NRG2: variants seen among roughly 807,000 people sequenced by gnomAD.
The protein encoded by NRG2 is pro-neuregulin-2, membrane-bound isoform.
In NRG2, 27 loss-of-function variants were observed where a neutral mutation model predicts 73.9. That is an observed-to-expected ratio of 0.37 (90% CI 0.27 to 0.50). The LOEUF is 0.50. Among genes scored for constraint, NRG2 ranks in the 20% least tolerant of loss-of-function variants. NRG2 has a pLI of 0.96. For synonymous variants in NRG2, 532 were observed against 541.0 expected (o/e 0.98, Z 0.23); for missense variants, 1,126 against 1,210.1 (o/e 0.93, Z 1.03).
At chr5:139,885,966 C>T (rs750618536) in intron 2 of NRG2, among the ~76,000 whole-genome samples, 6 of 151,992 alleles carry the variant, frequency 3.9e-5, no homozygotes, top group Non-Finnish European at 7.4e-5. Context: ...TTGGAAGCAG[C>T]CTTGGTAGGG....
At chr5:139,939,844 T>A (rs762883699) in intron 1 of NRG2, among the ~76,000 whole-genome samples, 1 of 151,772 alleles carries the variant, frequency 6.6e-6, no homozygotes, top group African/African-American at 2.4e-5. Context: ...CCAAAAAAAA[T>A]ATATAGCAAT....
rs189962751 is a variant in NRG2 at position 139,860,104 on chromosome 5, G to A, written c.1190-4326C>T. ...TCCTGAGCTCCTTCCCTGACACCCA[G>A]TCCCCAAGAGCCCCAAGGAGGGTAG... On this transcript the variant is annotated intron_variant, in intron 5 of 9. Transcript: ENST00000361474. Among the ~76,000 whole-genome samples the A allele has an allele frequency of 9.7e-4, 148 of 152,242 alleles. 1 individual carries two copies. Among genetic ancestry groups the A allele is most frequent in the African/African-American group, 3.4e-3 (143 of 41,552 alleles).
chr5:139,916,207 T>TAC (rs1463651593), intron 1 of NRG2, among the ~76,000 whole-genome samples: 2 of 152,178 alleles, frequency 1.3e-5, no homozygotes, highest in Non-Finnish European at 2.9e-5. Flanking sequence ...CATTCTGAAT[T>TAC]ACAGTCTCTG....
chr5:139,929,050 T>A (rs1342102885), intron 1 of NRG2, among the ~76,000 whole-genome samples: 1 of 152,204 alleles, frequency 6.6e-6, no homozygotes, highest in Non-Finnish European at 1.5e-5. Context: ...GTTGCTCTAT[T>A]AGTCTTCCCC....
chr5:139,888,838 A>G (rs772221764), intron 1 of NRG2, among the ~76,000 whole-genome samples: 6 of 151,998 alleles, frequency 3.9e-5, no homozygotes, highest in Non-Finnish European at 5.9e-5. Flanking sequence ...AGAAAACAAA[A>G]CCTTCCTTTG....
chr5:139,931,675 G>A (rs1253472703), intron 1 of NRG2, among the ~76,000 whole-genome samples: 1 of 152,026 alleles, frequency 6.6e-6, no homozygotes, highest in Non-Finnish European at 1.5e-5. Context: ...CAAACAAGTA[G>A]GGAATCTCAA....
chr5:139,938,800 C>T (rs1753046685), intron 1 of NRG2, among the ~76,000 whole-genome samples: 1 of 143,010 alleles, frequency 7.0e-6, no homozygotes, highest in African/African-American at 2.6e-5. Context: ...AAAGGATAAT[C>T]TTTTTAACAA....
chr5:140,017,857 C>T (rs913412437), intron 1 of NRG2, among the ~76,000 whole-genome samples: 5 of 152,008 alleles, frequency 3.3e-5, no homozygotes, highest in Non-Finnish European at 7.4e-5. Context: ...AGAGACAGAA[C>T]GTGCAGTAGA....
chr5:139,892,559 T>C (rs1764280039), intron 1 of NRG2, among the ~76,000 whole-genome samples: 1 of 152,120 alleles, frequency 6.6e-6, no homozygotes, highest in Non-Finnish European at 1.5e-5. Context: ...GCCCCTCACC[T>C]AGACACCCTC....
chr5:139,996,495 T>A (rs6872908), intron 1 of NRG2, among the ~76,000 whole-genome samples: 87,873 of 152,080 alleles, frequency 0.58, 25,669 homozygotes, highest in South Asian at 0.73. Context: ...CATTGTTGAA[T>A]GTGCAATAAA....
At chr5:139,960,970 G>A (rs1025743984) in intron 1 of NRG2, among the ~76,000 whole-genome samples, 7 of 152,226 alleles carry the variant, frequency 4.6e-5, no homozygotes, top group Non-Finnish European at 7.4e-5. Context: ...TGCCAGGCTC[G>A]TTGGGGCCTT....
intron 1 of NRG2, among the ~76,000 whole-genome samples, chr5:139,977,643 CT>C (rs1484084040): frequency 2.0e-5 from 3 of 152,146 alleles, no homozygotes; most frequent in Non-Finnish European, 4.4e-5. Flanking sequence ...CAAGTCAATC[CT>C]AAGACAAAAG....
chr5:140,011,298 C>T (rs1171772560), intron 1 of NRG2, among the ~76,000 whole-genome samples: 2 of 152,192 alleles, frequency 1.3e-5, no homozygotes, highest in East Asian at 3.8e-4. Flanking sequence ...TTCCTCATCC[C>T]TGCCTGATAA....
chr5:140,038,891 C>T (rs1236738483), intron 1 of NRG2, among the ~76,000 whole-genome samples: 1 of 152,208 alleles, frequency 6.6e-6, no homozygotes, highest in Non-Finnish European at 1.5e-5. Context: ...CATCTTCAAG[C>T]TGCAGCACAG....
At chr5:139,859,962 A>G in intron 5 of NRG2, 1 of 1,583,246 alleles carries the variant, frequency 6.3e-7, no homozygotes, top group Non-Finnish European at 8.7e-7. Flanking sequence ...GGAGGGAGAG[A>G]GACAGGTGGG....
intron 2 of NRG2, among the ~76,000 whole-genome samples, chr5:139,882,156 G>GC (rs1763563894): frequency 6.6e-6 from 1 of 152,138 alleles, no homozygotes; most frequent in Non-Finnish European, 1.5e-5. Context: ...ACGAGGGAGG[G>GC]CAGTAGAGCC....
intron 4 of NRG2, among the ~76,000 whole-genome samples, chr5:139,867,036 T>A (rs769686740): frequency 6.6e-6 from 1 of 152,226 alleles, no homozygotes; most frequent in African/African-American, 2.4e-5. Flanking sequence ...CCCTCAATAA[T>A]AGGCTACTGT....
chr5:140,038,302 A>AC (rs1405790734), intron 1 of NRG2, among the ~76,000 whole-genome samples: 3 of 152,066 alleles, frequency 2.0e-5, no homozygotes, highest in Non-Finnish European at 4.4e-5. Flanking sequence ...ATTCAAACCG[A>AC]CGGTTGTTTT....
At chr5:139,857,442 A>G (rs1761878561) in intron 5 of NRG2, among the ~76,000 whole-genome samples, 1 of 152,046 alleles carries the variant, frequency 6.6e-6, no homozygotes, top group South Asian at 2.1e-4. Flanking sequence ...GGATGAGAGG[A>G]CTGGTTCCCC....
Sources: allele counts gnomAD v4.1 joint callset (sites outside exome capture counted in the v4.1 genomes callset), GRCh38; gene constraint gnomAD v4.1.1; transcripts MANE v1.5; gene names NCBI Gene and HGNC (gene_info 2026-07-23, HGNC 2026-07-21).